CREBBP: variants seen among roughly 807,000 people sequenced by gnomAD.
The protein encoded by CREBBP is CREB binding lysine acetyltransferase.
A neutral mutation model predicts 265.0 loss-of-function variants in CREBBP; 19 were observed. The ratio of observed to expected loss-of-function variants is 0.07; its 90% CI spans 0.05 to 0.11. The LOEUF is 0.11. CREBBP is among the 10% of genes least tolerant of loss of function. The pLI, the probability that CREBBP is intolerant of heterozygous loss-of-function variation, is 1.00. For synonymous variants in CREBBP, 1,457 were observed against 1,223.7 expected, an observed-to-expected ratio of 1.19 and a Z score of -3.98; for missense variants, 2,525 against 3,219.0, an observed-to-expected ratio of 0.78 and a Z score of 5.22.
chr16:3,861,652 C>CG (rs2055075633), intron 1 of CREBBP, among the ~76,000 whole-genome samples: 1 of 121,092 alleles, frequency 8.3e-6, no homozygotes, highest in Non-Finnish European at 1.8e-5. Context: ...CTCTCTATAC[C>CG]AAAAAAAAAA....
At chr16:3,845,886 C>CAAAAAAA (rs58655991) in intron 2 of CREBBP, among the ~76,000 whole-genome samples, 1 of 73,516 alleles carries the variant, frequency 1.4e-5, no homozygotes, top group African/African-American at 5.0e-5. Flanking sequence ...GACCCTATCT[C>CAAAAAAA]AAAAAAAAAA....
chr16:3,728,988 T>G lies in CREBBP; in HGVS notation c.6059A>C (p.Gln2020Pro). Reference sequence around the variant, plus strand: ...CTGGGGAAGGGGCGCCTGCTGCCACTGCCCGGGAGGCATGCTGGGCATGAC... The same window carrying G: ...CTGGGGAAGGGGCGCCTGCTGCCACGGCCCGGGAGGCATGCTGGGCATGAC... ...GPVMPSMPPG[Q>P]WQQAPLPQQQ... The change falls in exon 31 of 31, where the codon CAG (glutamine) becomes CCG (proline). Residue 2020 changes from glutamine to proline, a missense_variant. Gln to Pro is a moderately conservative substitution (Grantham distance 76, BLOSUM62 -1). Transcript: ENST00000262367. The surrounding 1 kb of genome is among the most constrained non-coding windows in gnomAD (Gnocchi z 8.7). 1 of 1,595,516 alleles carries G rather than the reference T, an allele frequency of 6.3e-7. No homozygotes were observed.
intron 5 of CREBBP, among the ~76,000 whole-genome samples, chr16:3,789,991 A>G (rs2053470329): frequency 6.6e-6 from 1 of 152,204 alleles, no homozygotes; most frequent in Non-Finnish European, 1.5e-5. Flanking sequence ...GGTAGTATGT[A>G]CTAAAAACAA....
At chr16:3,734,054 C>G (rs376535425) in intron 28 of CREBBP, among the ~76,000 whole-genome samples, 34 of 152,320 alleles carry the variant, frequency 2.2e-4, no homozygotes, top group African/African-American at 7.9e-4. Context: ...CAGCAGTGTT[C>G]TGTGTTCTGG....
chr16:3,802,786 C>T (rs564277273), intron 3 of CREBBP, among the ~76,000 whole-genome samples: 16 of 152,222 alleles, frequency 1.1e-4, no homozygotes, highest in Non-Finnish European at 1.8e-4. Context: ...TGCTGCTCGT[C>T]CTCAACCTTC....
chr16:3,740,736 G>T, intron 23 of CREBBP, 187 bp from the exon 24 acceptor site: 1 of 738,548 alleles, frequency 1.4e-6, no homozygotes, highest in Non-Finnish European at 2.3e-6. Flanking sequence ...GTGGACTCTG[G>T]GATCTCAGGC....
Position 3,774,602 on chromosome 16 carries a change from A to G in CREBBP, c.2250T>C (p.Ser750=). Reference sequence around the variant, plus strand: ...CTGAGCCCATGCTGTTCATCTGGACAGAGTGGTTCATTGGGGAGGCTGCAC... The same window carrying G: ...CTGAGCCCATGCTGTTCATCTGGACGGAGTGGTTCATTGGGGAGGCTGCAC... ...GPRAASPMNH[S]VQMNSMGSVP... The change falls in exon 12 of 31, where the codon TCT becomes TCC. Residue 750 remains serine, a synonymous_variant. Transcript: ENST00000262367. 1.9e-6 allele frequency: 3 copies of G among 1,614,238 alleles called. No homozygotes were observed. The highest frequency in any genetic ancestry group is 2.5e-6 in the Non-Finnish European group (3 of 1,180,044).
rs558696005 is a variant in CREBBP, at chr16:3,815,262, T to C, written c.799-4483A>G. On this transcript the variant is annotated intron_variant, in intron 2 of 30. Coordinates refer to ENST00000262367, the MANE Select transcript of CREBBP (RefSeq NM_004380.3). The stretch of plus-strand genomic sequence containing the variant: ...CAACAGGTACTTGATAATAGTTTGG[T>C]AGGCTGGGTGCTCATGCCTGTAATT... Among the ~76,000 whole-genome samples, 12 of 152,088 alleles carry C rather than the reference T, an allele frequency of 7.9e-5. 1 individual carries two copies. The South Asian group carries it at 2.5e-3, about 32-fold the overall frequency.
At chr16:3,739,375 C>T (rs1300518946) in intron 25 of CREBBP, 2 of 638,772 alleles carry the variant, frequency 3.1e-6, no homozygotes, top group Non-Finnish European at 5.3e-6. Flanking sequence ...CCACACAAAA[C>T]ACGCTCACTG....
At position 3,874,726 on chromosome 16, in the gene CREBBP, G is replaced by A. The variant is rs549558314; in HGVS notation, c.85+5106C>T. Among the ~76,000 whole-genome samples, 21 of 152,284 alleles carry A rather than the reference G, an allele frequency of 1.4e-4. No homozygotes were observed. In the East Asian group the frequency reaches 3.9e-3, roughly 28 times the overall value. On this transcript the variant is annotated intron_variant, in intron 1 of 30. Transcript: ENST00000262367. ...GCCCAATCAGGACACCAAGGCTCTGGGAAAGTCTGCAGTCAAATTCCTCAG... is the reference window on the plus strand; with the variant it reads ...GCCCAATCAGGACACCAAGGCTCTGAGAAAGTCTGCAGTCAAATTCCTCAG...
Position 3,819,424 on chromosome 16 carries a change from C to T in CREBBP, c.799-8645G>A, listed in dbSNP as rs907409470. Among the ~76,000 whole-genome samples, 24 of 152,302 alleles carry T rather than the reference C, an allele frequency of 1.6e-4. No homozygotes were observed. The South Asian group carries it at 2.5e-3, about 16-fold the overall frequency. ...AGGAGGTGAGAGACAGCTTTGGGAG[C>T]AATCATTCTACACTACATATGATTT... On this transcript the variant is annotated intron_variant, in intron 2 of 30. Coordinates refer to ENST00000262367, the MANE Select transcript of CREBBP (RefSeq NM_004380.3).
At chr16:3,833,600 C>T (rs1429189841) in intron 2 of CREBBP, among the ~76,000 whole-genome samples, 1 of 152,112 alleles carries the variant, frequency 6.6e-6, no homozygotes, top group African/African-American at 2.4e-5. Flanking sequence ...AGCAGGGTTA[C>T]AAGATACAAC....
intron 26 of CREBBP, among the ~76,000 whole-genome samples, chr16:3,737,271 G>C (rs1241526084): frequency 1.6e-5 from 2 of 127,408 alleles, no homozygotes; most frequent in African/African-American, 9.6e-5. Context: ...AATGGGGCAG[G>C]TCTAGAGTAC....
chr16:3,835,412 G>C (rs2054425276), intron 2 of CREBBP, among the ~76,000 whole-genome samples: 1 of 151,910 alleles, frequency 6.6e-6, no homozygotes, highest in South Asian at 2.1e-4. Flanking sequence ...CAGGTCATGG[G>C]GCTGGATGTG....
intron 3 of CREBBP, among the ~76,000 whole-genome samples, chr16:3,799,586 G>GT (rs796691840): frequency 9.2e-5 from 14 of 152,332 alleles, no homozygotes; most frequent in African/African-American, 3.4e-4. Flanking sequence ...AATTGGACAA[G>GT]TATGTTAAAA....
chr16:3,794,978 G>C (rs1037116271), intron 3 of CREBBP, among the ~76,000 whole-genome samples: 1 of 152,180 alleles, frequency 6.6e-6, no homozygotes, highest in Admixed American at 6.6e-5. Context: ...AAAGAGGAGA[G>C]AAAACTATAC....
chr16:3,825,323 A>G (rs1334552542), intron 2 of CREBBP, among the ~76,000 whole-genome samples: 1 of 152,244 alleles, frequency 6.6e-6, no homozygotes, highest in Admixed American at 6.5e-5. Flanking sequence ...GTAAATAAAA[A>G]TGCAATCCCT....
chr16:3,748,255 G>C (rs953864837), intron 21 of CREBBP, among the ~76,000 whole-genome samples: 6 of 151,986 alleles, frequency 3.9e-5, no homozygotes, highest in Non-Finnish European at 8.8e-5. Context: ...TCCAGCCTGG[G>C]GGACAGAGCA....
At chr16:3,843,575 C>A (rs1467201163) in intron 2 of CREBBP, among the ~76,000 whole-genome samples, 6 of 151,916 alleles carry the variant, frequency 3.9e-5, no homozygotes, top group Non-Finnish European at 8.8e-5. Flanking sequence ...CATGTGCCAC[C>A]ATGACCAGCT....
Sources: gnomAD v4.1 joint callset for allele counts (sites outside exome capture counted in the v4.1 genomes callset) on GRCh38, gnomAD v4.1.1 for gene constraint, Gnocchi (gnomAD v3.1) non-coding constraint, MANE v1.5 for transcripts, NCBI Gene and HGNC (gene_info 2026-07-23, HGNC 2026-07-21) for gene names.